The following LIN7A variants were observed in gnomAD, a reference collection of about 807,000 sequenced individuals.
The protein encoded by LIN7A is lin-7 cell polarity scaffold A, also known as protein lin-7 homolog A.
A neutral mutation model predicts 29.8 loss-of-function variants in LIN7A; 25 were observed. The ratio of observed to expected loss-of-function variants is 0.84; its 90% confidence interval spans 0.61 to 1.17. The LOEUF (loss-of-function observed/expected upper bound fraction) is 1.17, where lower values mean the gene tolerates loss of function less well. Ranked by LOEUF, LIN7A falls within the 50% of genes most tolerant of loss-of-function variation. The pLI is 0.00. For synonymous variants in LIN7A, 118 were observed against 107.5 expected, an observed-to-expected ratio of 1.10 and a Z score of -0.60; for missense variants, 239 against 287.0, an observed-to-expected ratio of 0.83 and a Z score of 1.21.
At chr12:80,878,085 TAGAA>T (rs1326406065) in intron 2 of LIN7A, among the ~76,000 whole-genome samples, 2 of 152,160 alleles carry the variant, frequency 1.3e-5, no homozygotes, top group African/African-American at 2.4e-5. Context: ...TAATAGCAAA[TAGAA>T]AGGCTTGGGC....
At chr12:80,811,726 T>C in intron 4 of LIN7A, 43 bp from the exon 5 acceptor site, 3 of 1,569,002 alleles carry the variant, frequency 1.9e-6, no homozygotes, top group Non-Finnish European at 2.6e-6. Context: ...AGGTTCAATG[T>C]TCTTTTCCCT....
At chr12:80,902,213 A>ATT (rs1876249751) in intron 1 of LIN7A, among the ~76,000 whole-genome samples, 1 of 100,348 alleles carries the variant, frequency 1.0e-5, no homozygotes, top group African/African-American at 3.9e-5. Context: ...CCATTGGTCT[A>ATT]TGTGTTTTTT....
intron 2 of LIN7A, among the ~76,000 whole-genome samples, chr12:80,876,430 G>A (rs1359494081): frequency 6.6e-6 from 1 of 152,138 alleles, no homozygotes; most frequent in African/African-American, 2.4e-5. Flanking sequence ...AGAGCAATGT[G>A]AGCATTTAAA....
rs566404380 is a variant in LIN7A, at chr12:80,825,614, C to T, written c.484-13931G>A. ...TTTGCAACCTAGAAAAAGGCTTAGC[C>T]TATAGGAAGTTTTTGAGAAATCTTA... On this transcript the variant is annotated intron_variant, in intron 4 of 5. Transcript: ENST00000552864. Among the ~76,000 whole-genome samples, 92 of 152,254 alleles carry T rather than the reference C, an allele frequency of 6.0e-4. 2 individuals are homozygous for T. The South Asian group carries it at 6.6e-3, about 11-fold the overall frequency.
rs188992350 is a variant in LIN7A, at chr12:80,932,537, T to G, written c.82+5104A>C. 7.2e-5 allele frequency among the ~76,000 whole-genome samples: 11 copies of G among 152,338 alleles called. No homozygotes were observed. In the East Asian group the frequency reaches 2.1e-3, roughly 29 times the overall value. ...TCTTATGTAAGCATTTAAATGCAGA[T>G]TGGAAGCTACTAATCATGTCATAAG... On this transcript the variant is annotated intron_variant, in intron 1 of 5. Transcript: ENST00000552864.
At chr12:80,853,353 T>A (rs1314118634) in intron 2 of LIN7A, among the ~76,000 whole-genome samples, 1 of 150,588 alleles carries the variant, frequency 6.6e-6, no homozygotes, top group African/African-American at 2.5e-5. Context: ...AAGAAACTCT[T>A]TGAAAAACAC....
rs560618188 is a variant in LIN7A at position 80,848,971 on chromosome 12, A to C, written c.202-649T>G. Among the ~76,000 whole-genome samples the C allele has an allele frequency of 4.9e-4, 75 of 152,292 alleles. 1 individual carries two copies. The South Asian group carries it at 0.011, about 23-fold the overall frequency. On this transcript the variant is annotated intron_variant, in intron 2 of 5. Transcript: ENST00000552864. ...TCACCCATTCAACAACTATTTGTTG[A>C]GTGTCTGGGACTAATCTCTTCCCTG...
chr12:80,887,967 G>T (rs991985609), intron 2 of LIN7A, among the ~76,000 whole-genome samples: 1 of 152,102 alleles, frequency 6.6e-6, no homozygotes, highest in Non-Finnish European at 1.5e-5. Flanking sequence ...TTTGGCCTTG[G>T]TCTACAGAGT....
chr12:80,921,581 G>A (rs1877311402), intron 1 of LIN7A, among the ~76,000 whole-genome samples: 1 of 151,426 alleles, frequency 6.6e-6, no homozygotes, highest in South Asian at 2.1e-4. Context: ...AGCATGCTCT[G>A]CTCTCCTCTT....
chr12:80,797,317 T>C lies in LIN7A; in HGVS notation c.*410A>G, dbSNP rs1870495945. ...GCAATGTGTAGGTTTCACTTTGAAC[T>C]GATGCAGTTTGAATTATAGCCTAAT... On this transcript the variant is annotated 3_prime_UTR_variant, in exon 6 of 6. Transcript: ENST00000552864. 1 of 152,558 alleles carries C rather than the reference T, an allele frequency of 6.6e-6. No homozygotes were observed. Among genetic ancestry groups the C allele is most frequent in the Non-Finnish European group, 1.5e-5 (1 of 68,048 alleles). The allele number at this position is 152,558 out of a possible 1,614,324, so 9.5% of individuals were successfully genotyped here.
At chr12:80,863,478 G>A (rs772199328) in intron 2 of LIN7A, among the ~76,000 whole-genome samples, 2 of 152,122 alleles carry the variant, frequency 1.3e-5, no homozygotes, top group Non-Finnish European at 1.5e-5. Flanking sequence ...TAGCCAAGCC[G>A]CAATTAACCA....
intron 2 of LIN7A, among the ~76,000 whole-genome samples, chr12:80,857,686 G>GA (rs1240170453): frequency 1.3e-5 from 2 of 152,092 alleles, no homozygotes; most frequent in Non-Finnish European, 2.9e-5. Flanking sequence ...CTGTGAAAAT[G>GA]GTTTTACCAG....
intron 2 of LIN7A, among the ~76,000 whole-genome samples, chr12:80,871,724 C>T (rs999887840): frequency 6.6e-6 from 1 of 151,782 alleles, no homozygotes; most frequent in African/African-American, 2.4e-5. Flanking sequence ...TTGAATTAAG[C>T]ATTTATTGTA....
At chr12:80,798,250 G>A (rs1363616080) in intron 5 of LIN7A, among the ~76,000 whole-genome samples, 1 of 152,164 alleles carries the variant, frequency 6.6e-6, no homozygotes, top group East Asian at 1.9e-4. Flanking sequence ...TTGGGGAGCA[G>A]TCTTGCCAGA....
intron 2 of LIN7A, among the ~76,000 whole-genome samples, chr12:80,858,973 A>G (rs1372976348): frequency 1.3e-5 from 2 of 152,210 alleles, no homozygotes; most frequent in Admixed American, 1.3e-4. Flanking sequence ...ATGCTGAGGA[A>G]AAAATTTAAC....
Position 80,811,477 on chromosome 12 carries a change from G to A in LIN7A, c.690C>T (p.Asn230=). The A allele has an allele frequency of 7.0e-7, 1 of 1,421,872 alleles. No homozygotes were observed. Among genetic ancestry groups the A allele is most frequent in the East Asian group, 2.4e-5 (1 of 41,490 alleles). 88.1% of individuals were successfully genotyped at this position (1,421,872 alleles called of 1,614,324 possible). A position where few individuals can be genotyped will look rare whatever the true frequency, so the allele number is the denominator to read the frequency against. ...AGTCACTTCTCACCTATGACATGTG[G>A]TTTTGTTGTGTTTGTTGCTGCTGCT... The part of the protein sequence containing the change: ...QQQQQQQTQQ[N]HMS Residue 230 remains asparagine, a synonymous_variant, in exon 5 of 6, where the codon AAC becomes AAT. Coordinates refer to ENST00000552864, the MANE Select transcript of LIN7A (RefSeq NM_004664.4).
At chr12:80,880,770 CACACAT>C (rs879289165) in intron 2 of LIN7A, among the ~76,000 whole-genome samples, 1,549 of 142,302 alleles carry the variant, frequency 0.011, 17 homozygotes, top group Admixed American at 0.013. Context: ...CACACACACA[CACACAT>C]ACACACACAC....
chr12:80,897,397 T>C (rs1354020136), intron 1 of LIN7A, among the ~76,000 whole-genome samples: 2 of 152,232 alleles, frequency 1.3e-5, no homozygotes, highest in Non-Finnish European at 2.9e-5. Flanking sequence ...AATCTGTTTT[T>C]ACACATCTGA....
At chr12:80,807,729 G>A (rs938794595) in intron 5 of LIN7A, among the ~76,000 whole-genome samples, 11 of 152,130 alleles carry the variant, frequency 7.2e-5, no homozygotes, top group African/African-American at 2.7e-4. Context: ...ATGTAAAGTG[G>A]CTTTACATTT....
Sources: gnomAD v4.1 joint callset for allele counts (sites outside exome capture counted in the v4.1 genomes callset) on GRCh38, gnomAD v4.1.1 for gene constraint, MANE v1.5 for transcripts, NCBI Gene and HGNC (gene_info 2026-07-23, HGNC 2026-07-21) for gene names.